Variants in OPN3 observed in about 807,000 individuals in gnomAD.
OPN3 encodes opsin 3, also known as opsin-3.
Under a neutral mutation model 33.8 loss-of-function variants are expected in OPN3, and 29 were observed. That is an observed-to-expected ratio of 0.86 (90% CI 0.64 to 1.17). The LOEUF (loss-of-function observed/expected upper bound fraction) is 1.17. Among genes scored for constraint, OPN3 ranks in the 50% most tolerant of loss-of-function variants. The pLI, the probability that OPN3 is intolerant of heterozygous loss-of-function variation, is 0.00. For synonymous variants in OPN3, 216 were observed against 216.1 expected, an observed-to-expected ratio of 1.00 and a Z score of 0.00; for missense variants, 437 against 514.1, an observed-to-expected ratio of 0.85 and a Z score of 1.45.
At chr1:241,637,155 T>C (rs1172884491) in intron 1 of OPN3, among the ~76,000 whole-genome samples, 3 of 152,212 alleles carry the variant, frequency 2.0e-5, no homozygotes, top group African/African-American at 7.2e-5. Flanking sequence ...TTGCACAGTT[T>C]TGAGCTCTGG....
intron 1 of OPN3, chr1:241,634,637 A>G: frequency 6.2e-7 from 1 of 1,613,966 alleles, no homozygotes; most frequent in African/African-American, 1.3e-5. Flanking sequence ...ATACAAGGGA[A>G]ATAAAAAGGG....
Position 241,594,084 on chromosome 1 carries a change from A to T in OPN3, c.*344T>A. 1 of 249,166 alleles carries T rather than the reference A, an allele frequency of 4.0e-6. No homozygotes were observed. The highest frequency in any genetic ancestry group is 9.8e-5 in the East Asian group (1 of 10,228). 15.4% of individuals were successfully genotyped at this position (249,166 alleles called of 1,614,324 possible). Reference sequence around the variant, plus strand: ...GTACGCGACAGTTATTTTTACAGTAAGGTATTTTCGAGAAAAATGCATTAC... The same window carrying T: ...GTACGCGACAGTTATTTTTACAGTATGGTATTTTCGAGAAAAATGCATTAC... On this transcript the variant is annotated 3_prime_UTR_variant, in exon 4 of 4. Coordinates refer to ENST00000366554, the MANE Select transcript of OPN3 (RefSeq NM_014322.3).
intron 3 of OPN3, among the ~76,000 whole-genome samples, chr1:241,597,218 T>C (rs1205193364): frequency 6.6e-6 from 1 of 152,176 alleles, no homozygotes; most frequent in African/African-American, 2.4e-5. Flanking sequence ...CAAGTATCTA[T>C]AACCCCAAGT....
At chr1:241,624,180 C>T (rs1664346885) in intron 1 of OPN3, among the ~76,000 whole-genome samples, 1 of 150,786 alleles carries the variant, frequency 6.6e-6, no homozygotes, top group African/African-American at 2.5e-5. Context: ...TCCTGCCTCT[C>T]CACGCCAGGC....
chr1:241,622,707 G>T (rs1230790251), intron 1 of OPN3, among the ~76,000 whole-genome samples: 1 of 152,144 alleles, frequency 6.6e-6, no homozygotes, highest in Non-Finnish European at 1.5e-5. Context: ...GTAACACTTT[G>T]GCCCACGCTC....
rs543939609 is a variant in OPN3, at chr1:241,617,752, G to A, written c.374-13173C>T. The stretch of plus-strand genomic sequence containing the variant: ...GTGATGTGATACCTCAGGACCATAT[G>A]AGAAGAATGAGAGAAGAAGCTTGTC... On this transcript the variant is annotated intron_variant, in intron 1 of 3. Transcript: ENST00000366554. 1.4e-3 allele frequency among the ~76,000 whole-genome samples: 211 copies of A among 152,338 alleles called. 1 individual carries two copies. The highest frequency in any genetic ancestry group is 4.8e-3 in the African/African-American group (198 of 41,578).
chr1:241,614,688 T>A (rs850686), intron 1 of OPN3, among the ~76,000 whole-genome samples: 1 of 116,804 alleles, frequency 8.6e-6, no homozygotes, highest in Non-Finnish European at 1.8e-5. Flanking sequence ...CTTTTCTGCC[T>A]ATAGTCCCAT....
At chr1:241,622,082 A>G (rs1461598666) in intron 1 of OPN3, among the ~76,000 whole-genome samples, 1 of 152,200 alleles carries the variant, frequency 6.6e-6, no homozygotes, top group Non-Finnish European at 1.5e-5. Context: ...GCACTGGTTT[A>G]GGTTTCATAT....
In OPN3 at chr1:241,640,128, G is replaced by C. The variant is rs2148034968; in HGVS notation, c.127C>G (p.Arg43Gly). The C allele has an allele frequency of 6.3e-7, 1 of 1,596,746 alleles. No individual in the cohort carries two copies. Among genetic ancestry groups the C allele is most frequent in the Non-Finnish European group, 8.5e-7 (1 of 1,173,052 alleles). The change falls in exon 1 of 4, where the codon CGC becomes GGC. Residue 43 changes from arginine to glycine, a missense_variant. By Grantham distance (125) the Arg-to-Gly change is moderately radical. Coordinates refer to ENST00000366554, the MANE Select transcript of OPN3 (RefSeq NM_014322.3). ...APLFSPGTYE[R>G]LALLLGSIGL... ...ATGGAGCCCAGCAGCAGCGCCAGGC[G>C]CTCGTAGGTGCCGGGGCTGAAGAGG...
intron 1 of OPN3, chr1:241,634,113 G>A: frequency 1.2e-6 from 2 of 1,609,862 alleles, no homozygotes; most frequent in Non-Finnish European, 8.5e-7. Flanking sequence ...TTAAAATAAA[G>A]AGCCCACAAG....
intron 3 of OPN3, chr1:241,595,561 C>T (rs1370892040): frequency 6.6e-6 from 1 of 152,152 alleles, no homozygotes. Flanking sequence ...ATTGTTATCC[C>T]ATTATTTAGA....
intron 3 of OPN3, among the ~76,000 whole-genome samples, chr1:241,596,776 C>G (rs903897222): frequency 6.6e-6 from 1 of 152,204 alleles, no homozygotes; most frequent in Non-Finnish European, 1.5e-5. Context: ...CTAGCCATGA[C>G]TCATAGCCAT....
chr1:241,613,780 T>G (rs1394987478), intron 1 of OPN3, among the ~76,000 whole-genome samples: 1 of 152,180 alleles, frequency 6.6e-6, no homozygotes, highest in Admixed American at 6.5e-5. Context: ...TAAATTTTCA[T>G]GTTCAGTAGT....
rs1448592245 is a variant in OPN3, at chr1:241,640,267, G to T, written c.-13C>A. ...TCCCCGAGTACATGGCCCGGCGCCG[G>T]CGCGCCTGGCGGGCGGAGGCGCTCA... On this transcript the variant is annotated 5_prime_UTR_variant, in exon 1 of 4. Transcript: ENST00000366554. 37 of 1,187,020 alleles carry T rather than the reference G, an allele frequency of 3.1e-5. No individual in the cohort carries two copies. The highest frequency in any genetic ancestry group is 3.6e-5 in the Non-Finnish European group (35 of 961,350). The allele number at this position is 1,187,020 out of a possible 1,614,324, so 73.5% of individuals were successfully genotyped here. A position where few individuals can be genotyped will look rare whatever the true frequency, so the allele number is the denominator to read the frequency against.
At chr1:241,616,229 C>G (rs2148010267) in intron 1 of OPN3, among the ~76,000 whole-genome samples, 1 of 152,084 alleles carries the variant, frequency 6.6e-6, no homozygotes, top group South Asian at 2.1e-4. Context: ...AAAGCATTAG[C>G]ATATATGCTT....
At chr1:241,627,107 G>A (rs1245694478) in intron 1 of OPN3, among the ~76,000 whole-genome samples, 1 of 152,040 alleles carries the variant, frequency 6.6e-6, no homozygotes, top group Admixed American at 6.6e-5. Flanking sequence ...CATCAGCAGG[G>A]ACCAATGAAG....
At chr1:241,616,442 G>A (rs940953629) in intron 1 of OPN3, among the ~76,000 whole-genome samples, 5 of 151,530 alleles carry the variant, frequency 3.3e-5, no homozygotes, top group African/African-American at 7.3e-5. Flanking sequence ...CACTCTGTCC[G>A]TCCACAACAC....
intron 1 of OPN3, among the ~76,000 whole-genome samples, chr1:241,620,399 G>A (rs954138789): frequency 6.6e-6 from 1 of 152,202 alleles, no homozygotes. Flanking sequence ...GATGGTATGA[G>A]GTGACATCTT....
rs530554829 is a variant in OPN3 at position 241,594,355 on chromosome 1, G to A, written c.*73C>T. On this transcript the variant is annotated 3_prime_UTR_variant, in exon 4 of 4. Transcript: ENST00000366554. ...GATATTACATAGAACGGGTATTCCA[G>A]ACACTTCTTATGATGAAAGTCCAAA... 2.6e-5 allele frequency: 39 copies of A among 1,501,698 alleles called. No homozygotes were observed. In the Admixed American group the frequency reaches 7.0e-4, roughly 27 times the overall value. 93.0% of individuals were successfully genotyped at this position (1,501,698 alleles called of 1,614,324 possible).
Sources: allele counts gnomAD v4.1 joint callset (sites outside exome capture counted in the v4.1 genomes callset), GRCh38; gene constraint gnomAD v4.1.1; transcripts MANE v1.5; gene names NCBI Gene and HGNC (gene_info 2026-07-23, HGNC 2026-07-21).